The following NPAS3 variants were observed in gnomAD, a reference collection of about 807,000 sequenced individuals.
NPAS3 encodes neuronal PAS domain-containing protein 3.
A neutral mutation model predicts 73.1 loss-of-function variants in NPAS3; 14 were observed. The observed-to-expected ratio is 0.19, with a 90% confidence interval of 0.13 to 0.30. NPAS3 has a LOEUF of 0.30. Among genes scored for constraint, NPAS3 ranks in the 10% least tolerant of loss-of-function variants. The probability of loss-of-function intolerance (pLI) is 1.00; values close to 1 mark genes in which losing one functional copy is unlikely to be tolerated. For synonymous variants in NPAS3, 620 were observed against 541.5 expected, an observed-to-expected ratio of 1.14 and a Z score of -2.01; for missense variants, 1,096 against 1,250.0, an observed-to-expected ratio of 0.88 and a Z score of 1.86.
rs143879006 is a variant in NPAS3, at chr14:33,253,496, G to T, written c.385+38070G>T. On this transcript the variant is annotated intron_variant, in intron 3 of 11. Coordinates refer to ENST00000356141, the Ensembl canonical transcript of NPAS3. ...GCTCCTCACAACTGATTTCCCAATG[G>T]TAATCAAGCTTCCTGGGTTCCATTT... 7.3e-3 allele frequency among the ~76,000 whole-genome samples: 1,116 copies of T among 152,070 alleles called. 8 individuals are homozygous for T. The highest frequency in any genetic ancestry group is 0.024 in the Middle Eastern group (7 of 294).
At chr14:33,267,281 T>A (rs562219504) in intron 3 of NPAS3, among the ~76,000 whole-genome samples, 18 of 152,194 alleles carry the variant, frequency 1.2e-4, no homozygotes, top group African/African-American at 4.3e-4. Flanking sequence ...TATTTTATGG[T>A]GTGAATTTTA....
chr14:33,264,241 G>A (rs1019363274), intron 3 of NPAS3, among the ~76,000 whole-genome samples: 10 of 151,824 alleles, frequency 6.6e-5, no homozygotes, highest in African/African-American at 2.4e-4. Context: ...ATGGACACAG[G>A]AAGGGGAACA....
intron 5 of NPAS3, among the ~76,000 whole-genome samples, chr14:33,566,822 G>A (rs2055971252): frequency 6.6e-6 from 1 of 152,032 alleles, no homozygotes; most frequent in Non-Finnish European, 1.5e-5. Flanking sequence ...TTATTCTCTT[G>A]CAATCCAGTG....
At chr14:33,259,342 A>G (rs1315043699) in intron 3 of NPAS3, among the ~76,000 whole-genome samples, 1 of 152,034 alleles carries the variant, frequency 6.6e-6, no homozygotes, top group East Asian at 1.9e-4. Context: ...CTGACCACCC[A>G]TTTCTAATTT....
chr14:33,150,080 T>G (rs569797506), intron 2 of NPAS3, among the ~76,000 whole-genome samples: 2 of 152,304 alleles, frequency 1.3e-5, no homozygotes, highest in East Asian at 3.9e-4. Context: ...AATGATGGTT[T>G]CCAGCTTCAT....
chr14:33,455,713 C>T (rs566363709), intron 4 of NPAS3, among the ~76,000 whole-genome samples: 4 of 152,282 alleles, frequency 2.6e-5, no homozygotes, highest in East Asian at 1.9e-4. Flanking sequence ...TGTTTCACCG[C>T]ATCTGCCTGA....
At chr14:33,438,427 G>GA (rs1400140178) in intron 4 of NPAS3, among the ~76,000 whole-genome samples, 1 of 152,014 alleles carries the variant, frequency 6.6e-6, no homozygotes, top group Non-Finnish European at 1.5e-5. Context: ...AGCACAGGGG[G>GA]AAAAAAAGAC....
intron 5 of NPAS3, among the ~76,000 whole-genome samples, chr14:33,584,520 G>T (rs1285014479): frequency 6.6e-6 from 1 of 152,098 alleles, no homozygotes; most frequent in Non-Finnish European, 1.5e-5. Context: ...AGAAGTCAAG[G>T]TGTGGGCAGT....
chr14:33,529,370 C>T (rs1171804764), intron 4 of NPAS3, among the ~76,000 whole-genome samples: 1 of 151,982 alleles, frequency 6.6e-6, no homozygotes, highest in African/African-American at 2.4e-5. Context: ...GTATTTTAGA[C>T]AAAATAACCT....
intron 3 of NPAS3, among the ~76,000 whole-genome samples, chr14:33,218,073 G>T (rs921999719): frequency 6.6e-6 from 1 of 152,112 alleles, no homozygotes; most frequent in Non-Finnish European, 1.5e-5. Flanking sequence ...ATAAAATGTG[G>T]TTGCTGCCCC....
intron 3 of NPAS3, among the ~76,000 whole-genome samples, chr14:33,364,671 A>T (rs1197472443): frequency 6.6e-6 from 1 of 152,338 alleles, no homozygotes; most frequent in Middle Eastern, 3.4e-3. Flanking sequence ...CTATACAGAT[A>T]GAACTCATGG....
chr14:33,680,179 T>C (rs896477971), intron 6 of NPAS3, among the ~76,000 whole-genome samples: 1 of 152,182 alleles, frequency 6.6e-6, no homozygotes, highest in Admixed American at 6.5e-5. Flanking sequence ...GGATTATGAG[T>C]ACTATCCTCA....
chr14:33,404,503 A>C lies in NPAS3; in HGVS notation c.468+37235A>C, dbSNP rs141430398. ...TTTTTTTCCCTTTTTCCTTCTCTTT[A>C]GATCTTACAGCTAATATTTGTTTTA... is the stretch of plus-strand genomic sequence containing the variant. On this transcript the variant is annotated intron_variant, in intron 4 of 11. Coordinates refer to ENST00000356141, the Ensembl canonical transcript of NPAS3. Among the ~76,000 whole-genome samples the C allele has an allele frequency of 3.3e-3, 501 of 152,070 alleles. 3 individuals are homozygous for C. The highest frequency in any genetic ancestry group is 0.012 in the African/African-American group (484 of 41,504).
intron 1 of NPAS3, among the ~76,000 whole-genome samples, chr14:33,019,404 G>A (rs533358933): frequency 3.2e-4 from 48 of 152,094 alleles, no homozygotes; most frequent in South Asian, 1.2e-3. Flanking sequence ...TTTTTTACCC[G>A]CTCATTTGTA....
chr14:33,403,293 A>T (rs540218576), intron 4 of NPAS3, among the ~76,000 whole-genome samples: 6 of 151,902 alleles, frequency 3.9e-5, no homozygotes, highest in Admixed American at 2.6e-4. Flanking sequence ...AATAGGCATT[A>T]AAAAAAAGCA....
chr14:33,294,275 T>A (rs985616181), intron 3 of NPAS3, among the ~76,000 whole-genome samples: 14 of 152,312 alleles, frequency 9.2e-5, no homozygotes, highest in Admixed American at 3.9e-4. Flanking sequence ...TTTCTAGAAG[T>A]CTCCATGTTC....
intron 4 of NPAS3, among the ~76,000 whole-genome samples, chr14:33,555,017 T>C (rs1031240869): frequency 2.0e-5 from 3 of 149,088 alleles, no homozygotes; most frequent in Admixed American, 2.0e-4. Context: ...ACAGGCTTTA[T>C]TATTCAGAGA....
intron 5 of NPAS3, among the ~76,000 whole-genome samples, chr14:33,566,035 CT>C (rs1209528785): frequency 1.3e-5 from 2 of 152,008 alleles, no homozygotes; most frequent in African/African-American, 2.4e-5. Context: ...GAAAAATGCC[CT>C]TTTGAATGTG....
intron 5 of NPAS3, among the ~76,000 whole-genome samples, chr14:33,590,047 G>A (rs78004683): frequency 0.02 from 3,053 of 152,258 alleles, 120 homozygotes; most frequent in East Asian, 0.19. Flanking sequence ...CAACATGAAT[G>A]TGCTCAAGTT....
Sources: gnomAD v4.1 joint callset for allele counts (sites outside exome capture counted in the v4.1 genomes callset) on GRCh38, gnomAD v4.1.1 for gene constraint, MANE v1.5 for transcripts, NCBI Gene and HGNC (gene_info 2026-07-23, HGNC 2026-07-21) for gene names.